Variants in KIAA2012 observed in about 807,000 individuals in gnomAD.
KIAA2012 encodes uncharacterized protein KIAA2012.
KIAA2012 carries 125 observed loss-of-function variants against 150.6 expected under a neutral mutation model. That is an observed-to-expected ratio of 0.83 (90% confidence interval 0.72 to 0.96). The LOEUF (loss-of-function observed/expected upper bound fraction) is 0.96, where lower values mean the gene tolerates loss of function less well. Ranked by LOEUF, KIAA2012 falls within the 40% of genes least tolerant of loss-of-function variation. The pLI is 0.00. For missense variants in KIAA2012, 1,219 were observed against 1,354.9 expected, an observed-to-expected ratio of 0.90 and a Z score of 1.57; for synonymous variants, 462 against 504.7, an observed-to-expected ratio of 0.92 and a Z score of 1.13.
chr2:202,201,534 G>C, intron 22 of KIAA2012: 1 of 1,609,096 alleles, frequency 6.2e-7, no homozygotes. Flanking sequence ...AGTAGCCCCA[G>C]CTCCAAATCT....
At chr2:202,146,458 C>T (rs943578360) in intron 13 of KIAA2012, among the ~76,000 whole-genome samples, 3 of 152,020 alleles carry the variant, frequency 2.0e-5, no homozygotes, top group African/African-American at 7.2e-5. Flanking sequence ...AAGTGAAACC[C>T]TGTCTCTACT....
At chr2:202,179,782 G>T (rs1218715891) in intron 15 of KIAA2012, 2 of 628,368 alleles carry the variant, frequency 3.2e-6, no homozygotes, top group African/African-American at 3.7e-5. Context: ...CACAGCAGTG[G>T]GAAAGAACTA....
At chr2:202,111,137 A>G (rs1470137774) in intron 10 of KIAA2012, among the ~76,000 whole-genome samples, 1 of 152,128 alleles carries the variant, frequency 6.6e-6, no homozygotes, top group Non-Finnish European at 1.5e-5. Flanking sequence ...GGCCTGGGAC[A>G]AATCACAGCA....
At chr2:202,122,990 C>T (rs1690690939) in intron 11 of KIAA2012, among the ~76,000 whole-genome samples, 1 of 152,170 alleles carries the variant, frequency 6.6e-6, no homozygotes, top group African/African-American at 2.4e-5. Flanking sequence ...AAAAGTCCCA[C>T]CAGCACACAG....
At chr2:202,093,795 G>A (rs1177820587) in intron 4 of KIAA2012, among the ~76,000 whole-genome samples, 1 of 152,154 alleles carries the variant, frequency 6.6e-6, no homozygotes, top group Non-Finnish European at 1.5e-5. Context: ...CAAGCCGTCT[G>A]TAAACTGTTT....
chr2:202,150,237 A>G (rs548993980), intron 13 of KIAA2012, among the ~76,000 whole-genome samples: 2 of 152,362 alleles, frequency 1.3e-5, no homozygotes, highest in East Asian at 3.9e-4. Context: ...AATCAGCTTT[A>G]CCAAATTAAC....
chr2:202,133,130 A>ATATATATATATATATATATTTTTTTTTTT (rs1279080237), intron 12 of KIAA2012, among the ~76,000 whole-genome samples: 1 of 67,792 alleles, frequency 1.5e-5, no homozygotes, highest in African/African-American at 5.8e-5. Context: ...ATATATATAT[A>ATATATATATATATATATATTTTTTTTTTT]TTTTTTTTTT....
intron 12 of KIAA2012, 43 bp downstream of exon 12, chr2:202,125,325 A>G (rs1690757386): frequency 1.4e-6 from 2 of 1,427,702 alleles, no homozygotes; most frequent in Non-Finnish European, 1.9e-6. Context: ...TCTCTATGTA[A>G]TTTGACTCAT....
At chr2:202,194,384 T>C (rs1692375405) in intron 21 of KIAA2012, 22 bp downstream of exon 21, 2 of 1,548,538 alleles carry the variant, frequency 1.3e-6, no homozygotes, top group Admixed American at 2.0e-5. Flanking sequence ...CTTGAGCTCT[T>C]TGCATCTCTC....
At chr2:202,125,193 A>C (rs1690752472) in intron 11 of KIAA2012, 21 bp from the exon 12 acceptor site, 2 of 1,544,648 alleles carry the variant, frequency 1.3e-6, no homozygotes, top group African/African-American at 1.4e-5. Flanking sequence ...CTCTCAGGTA[A>C]AATATCTTAC....
At chr2:202,152,993 C>G (rs1691457842) in intron 13 of KIAA2012, among the ~76,000 whole-genome samples, 1 of 152,014 alleles carries the variant, frequency 6.6e-6, no homozygotes, top group Non-Finnish European at 1.5e-5. Context: ...CAAATTTGTC[C>G]CAAAAATAAT....
At chr2:202,171,112 T>TACACACACACACACAC (rs10532176) in intron 15 of KIAA2012, among the ~76,000 whole-genome samples, 1,686 of 149,776 alleles carry the variant, frequency 0.011, 36 homozygotes, top group African/African-American at 0.04. Context: ...AAAGAAATAC[T>TACACACACACACACAC]ACACACACAC....
chr2:202,164,929 G>A (rs1691727102), intron 14 of KIAA2012, among the ~76,000 whole-genome samples: 1 of 151,686 alleles, frequency 6.6e-6, no homozygotes, highest in Admixed American at 6.6e-5. Context: ...AGCCTGCCTG[G>A]CCCTGGCTTT....
rs1355870231 is a variant in KIAA2012, at chr2:202,105,888, C to T, written c.1452C>T (p.Ser484=). The T allele has an allele frequency of 4.5e-6, 7 of 1,550,904 alleles. No homozygotes were observed. The East Asian group carries it at 1.7e-4, about 38-fold the overall frequency. ...CAGTGCATCTCCCAGTGGACGCGAG[C>T]AGGGACACACTCTCACCTCAAGGTA... ...ELTVHLPVDA[S]RDTLSPQDDD... is the part of the protein sequence containing the mutation. The change falls in exon 9 of 24, where the codon AGC becomes AGT. Residue 484 remains serine (S), a synonymous_variant. Transcript: ENST00000498697.
intron 16 of KIAA2012, 81 bp from the exon 17 acceptor site, chr2:202,186,852 C>T: frequency 2.9e-6 from 4 of 1,399,758 alleles, no homozygotes; most frequent in Non-Finnish European, 3.9e-6. Context: ...AGAACAGGTG[C>T]TCGATGTTGG....
At chr2:202,140,887 C>T (rs1235936137) in intron 13 of KIAA2012, among the ~76,000 whole-genome samples, 1 of 152,074 alleles carries the variant, frequency 6.6e-6, no homozygotes, top group Non-Finnish European at 1.5e-5. Flanking sequence ...CCCCCTCCCT[C>T]CCTTCCTTGG....
intron 11 of KIAA2012, among the ~76,000 whole-genome samples, chr2:202,124,573 A>G (rs1690735271): frequency 6.6e-6 from 1 of 152,170 alleles, no homozygotes; most frequent in Admixed American, 6.5e-5. Flanking sequence ...CTGCTGTTCA[A>G]ATCTGGGCAT....
intron 12 of KIAA2012, chr2:202,137,197 G>T (rs1479613814): frequency 6.6e-6 from 1 of 152,174 alleles, no homozygotes; most frequent in Non-Finnish European, 1.5e-5. Flanking sequence ...ATCAAGTATG[G>T]AAAGAACTTT....
chr2:202,118,709 T>C (rs1690586075), intron 11 of KIAA2012, among the ~76,000 whole-genome samples: 2 of 152,244 alleles, frequency 1.3e-5, no homozygotes, highest in South Asian at 2.1e-4. Flanking sequence ...ACCACAGTGT[T>C]GAGAGATTGT....
Sources: allele counts gnomAD v4.1 joint callset (sites outside exome capture counted in the v4.1 genomes callset), GRCh38; gene constraint gnomAD v4.1.1; transcripts MANE v1.5; gene names NCBI Gene and HGNC (gene_info 2026-07-23, HGNC 2026-07-21).